The following FAAP20 variants were observed in gnomAD, a reference collection of about 807,000 sequenced individuals.
The protein encoded by FAAP20 is Fanconi anemia core complex-associated protein 20.
FAAP20 carries 12 observed loss-of-function variants against 16.2 expected under a neutral mutation model. The observed-to-expected ratio is 0.74, with a 90% confidence interval of 0.48 to 1.20. The LOEUF (loss-of-function observed/expected upper bound fraction) is 1.20, where lower values mean the gene tolerates loss of function less well. Among genes scored for constraint, FAAP20 ranks in the 50% most tolerant of loss-of-function variants. The probability of loss-of-function intolerance (pLI) is 0.00; values close to 1 mark genes in which losing one functional copy is unlikely to be tolerated. For synonymous variants in FAAP20, 141 were observed against 110.7 expected, an observed-to-expected ratio of 1.27 and a Z score of -1.72; for missense variants, 288 against 245.8, an observed-to-expected ratio of 1.17 and a Z score of -1.15.
At chr1:2,185,776 T>C (rs1687501725), downstream of FAAP20, among the ~76,000 whole-genome samples, 1 of 152,216 alleles carries the variant, frequency 6.6e-6, no homozygotes, top group Non-Finnish European at 1.5e-5. Flanking sequence ...CTGACCACAC[T>C]AAGCAGTGCC....
chr1:2,193,156 A>T (rs2100679063), intron 3 of FAAP20: 1 of 416,888 alleles, frequency 2.4e-6, no homozygotes, highest in Non-Finnish European at 4.1e-6. Context: ...GGCACTGGGC[A>T]GTTTGGGTTA....
downstream of FAAP20, among the ~76,000 whole-genome samples, chr1:2,208,530 G>T (rs562116921): frequency 2.0e-5 from 3 of 152,328 alleles, no homozygotes; most frequent in South Asian, 6.2e-4. Flanking sequence ...GTGCTGGGAG[G>T]GGGTGAGTAC....
intron 3 of FAAP20, chr1:2,193,004 TG>T (rs1688417710): frequency 4.6e-6 from 6 of 1,303,742 alleles, no homozygotes; most frequent in Non-Finnish European, 6.1e-6. Context: ...CAGGCATGAC[TG>T]AAGGACCTGG....
chr1:2,188,833 G>C (rs1369732494), downstream of FAAP20, among the ~76,000 whole-genome samples: 1 of 151,800 alleles, frequency 6.6e-6, no homozygotes, highest in East Asian at 1.9e-4. Context: ...GTGAAACCCC[G>C]TTTCTACTGA....
chr1:2,187,163 C>T, downstream of FAAP20: 3 of 471,498 alleles, frequency 6.4e-6, no homozygotes, highest in South Asian at 3.1e-5. Context: ...GACACTCACC[C>T]TTGACTGCCA....
chr1:2,192,898 C>A, intron 3 of FAAP20: 2 of 1,303,242 alleles, frequency 1.5e-6, no homozygotes, highest in South Asian at 1.2e-5. Flanking sequence ...CCGTGCCCGG[C>A]CTTTTCTTTT....
Position 2,189,598 on chromosome 1 carries a change from T to TGCGGGGGAGCCGGGAGGCGGGGCTGCTG in FAAP20, c.*110_*111insCAGCAGCCCCGCCTCCCGGCTCCCCCGC. ...GGAGCCCGCCCTGCTTTAATGCGCA[T>TGCGGGGGAGCCGGGAGGCGGGGCTGCTG]GCGGGGGAGCCGAGAGGCGGGGCTG... is the stretch of plus-strand genomic sequence containing the variant. On this transcript the variant is annotated 3_prime_UTR_variant, in exon 4 of 4. Coordinates refer to ENST00000378546, the MANE Select transcript of FAAP20 (RefSeq NM_182533.4). 1.2e-6 allele frequency: 1 copy of TGCGGGGGAGCCGGGAGGCGGGGCTGCTG among 867,198 alleles called. No homozygotes were observed. Among genetic ancestry groups the TGCGGGGGAGCCGGGAGGCGGGGCTGCTG allele is most frequent in the Non-Finnish European group, 1.9e-6 (1 of 517,140 alleles). 53.7% of individuals were successfully genotyped at this position (867,198 alleles called of 1,614,324 possible).
chr1:2,203,505 C>A, upstream of FAAP20: 1 of 985,310 alleles, frequency 1.0e-6, no homozygotes, highest in Non-Finnish European at 1.2e-6. Flanking sequence ...TGGCCTGGCG[C>A]TGACCTGTGC....
At chr1:2,198,911 A>C, upstream of FAAP20, 1 of 1,289,806 alleles carries the variant, frequency 7.8e-7, no homozygotes, top group Non-Finnish European at 1.0e-6. Flanking sequence ...TGCCAGGCAG[A>C]CAGGCTGTGA....
At chr1:2,190,083 G>A (rs1459720061) in intron 3 of FAAP20, 2 of 569,548 alleles carry the variant, frequency 3.5e-6, no homozygotes, top group African/African-American at 1.8e-5. Flanking sequence ...GCTTGAGAAC[G>A]CGCTCATCGT....
upstream of FAAP20, chr1:2,200,967 G>T: frequency 8.2e-7 from 1 of 1,218,872 alleles, no homozygotes; most frequent in South Asian, 1.4e-5. Context: ...CGTTTTTATG[G>T]GAAATCTGCT....
chr1:2,187,029 A>G (rs1166151669), downstream of FAAP20: 2 of 353,830 alleles, frequency 5.7e-6, no homozygotes, highest in Non-Finnish European at 1.2e-5. Flanking sequence ...TCCGGTCACG[A>G]CGGTGTCTTT....
chr1:2,193,812 A>T lies in FAAP20; in HGVS notation c.297T>A (p.Arg99=). 1 of 1,606,550 alleles carries T rather than the reference A, an allele frequency of 6.2e-7. No individual in the cohort carries two copies. Among genetic ancestry groups the T allele is most frequent in the Non-Finnish European group, 8.5e-7 (1 of 1,178,162 alleles). ...CTGCCCCGTGAAGCAGCCGGTAGGAACGGCCCGGGCCCCACAGGTCCGGCG... is the reference window on the plus strand; with the variant it reads ...CTGCCCCGTGAAGCAGCCGGTAGGATCGGCCCGGGCCCCACAGGTCCGGCG... ...PFPPDLWGPG[R]SYRLLHGAGG... The change falls in exon 3 of 4, where the codon CGT becomes CGA. Residue 99 remains arginine, a synonymous_variant. Transcript: ENST00000378546.
downstream of FAAP20, among the ~76,000 whole-genome samples, chr1:2,211,920 TG>T (rs1689459572): frequency 6.8e-6 from 1 of 147,464 alleles, no homozygotes. Context: ...TTTTTTTTTT[TG>T]AGACGGAGTC....
upstream of FAAP20, among the ~76,000 whole-genome samples, chr1:2,195,116 G>A (rs371820959): frequency 6.6e-6 from 1 of 152,190 alleles, no homozygotes; most frequent in Non-Finnish European, 1.5e-5. Context: ...TTCCGGCTCT[G>A]CGGAGCCGCC....
downstream of FAAP20, among the ~76,000 whole-genome samples, chr1:2,187,899 T>A (rs975230662): frequency 6.6e-6 from 1 of 152,106 alleles, no homozygotes; most frequent in Non-Finnish European, 1.5e-5. Flanking sequence ...CCCGGAGACC[T>A]CCTGTGCTCC....
In FAAP20 at chr1:2,189,727, T is replaced by G. The variant is rs749817575; in HGVS notation, c.525A>C (p.Thr175=). Residue 175 remains threonine (T), a synonymous_variant, in exon 4 of 4, where the codon ACA becomes ACC. Coordinates refer to ENST00000378546, the MANE Select transcript of FAAP20 (RefSeq NM_182533.4). The part of the protein sequence containing the change: ...SHLAQCLAES[T]EDVTW ...ATGGCGCTCACCACGTCACGTCTTC[T>G]GTGCTTTCGGCCAAGCACTGGGCCA... 7 of 1,610,694 alleles carry G rather than the reference T, an allele frequency of 4.3e-6. No individual in the cohort carries two copies. The highest frequency in any genetic ancestry group is 2.2e-5 in the East Asian group (1 of 44,878).
intron 3 of FAAP20, among the ~76,000 whole-genome samples, chr1:2,205,787 G>A (rs769482243): frequency 5.9e-5 from 9 of 152,382 alleles, no homozygotes; most frequent in East Asian, 1.9e-4. Context: ...CCATGTGCGC[G>A]GGAGTCCCTC....
rs757512901 is a variant in FAAP20 at position 2,189,672 on chromosome 1, C to T, written c.*37G>A. ...GGCTGCTGGCGGGGGAGAGCGTGTC[C>T]GGGCGCCGCACTCTGCGCAGGGCTC... On this transcript the variant is annotated 3_prime_UTR_variant, in exon 4 of 4. Coordinates refer to ENST00000378546, the MANE Select transcript of FAAP20 (RefSeq NM_182533.4). 4.4e-6 allele frequency: 7 copies of T among 1,589,190 alleles called. No homozygotes were observed. In the Admixed American group the frequency reaches 6.7e-5, roughly 15 times the overall value.
Sources: allele counts gnomAD v4.1 joint callset (sites outside exome capture counted in the v4.1 genomes callset), GRCh38; gene constraint gnomAD v4.1.1; transcripts MANE v1.5; gene names NCBI Gene and HGNC (gene_info 2026-07-23, HGNC 2026-07-21).